The following KLHL26 variants were observed in gnomAD, a reference collection of about 807,000 sequenced individuals.
KLHL26 encodes kelch-like protein 26.
Under a neutral mutation model 7.1 loss-of-function variants are expected in KLHL26, and 4 were observed. The ratio of observed to expected loss-of-function variants is 0.56; its 90% confidence interval spans 0.28 to 1.28. The LOEUF (loss-of-function observed/expected upper bound fraction) is 1.28, where lower values mean the gene tolerates loss of function less well. KLHL26 is among the 50% of genes most tolerant of loss of function. The probability of loss-of-function intolerance (pLI) is 0.11; values close to 1 mark genes in which losing one functional copy is unlikely to be tolerated. For missense variants in KLHL26, 896 were observed against 924.6 expected, an observed-to-expected ratio of 0.97 and a Z score of 0.40; for synonymous variants, 465 against 414.1, an observed-to-expected ratio of 1.12 and a Z score of -1.49.
intron 1 of KLHL26, among the ~76,000 whole-genome samples, chr19:18,654,205 G>A (rs117707465): frequency 0.01 from 906 of 87,172 alleles, 7 homozygotes; most frequent in Non-Finnish European, 0.015. Flanking sequence ...CTGCCCTTCT[G>A]TCTGTCACCC....
At chr19:18,639,223 C>T (rs897431301) in intron 1 of KLHL26, among the ~76,000 whole-genome samples, 14 of 148,770 alleles carry the variant, frequency 9.4e-5, no homozygotes, top group African/African-American at 3.2e-4. Flanking sequence ...CTACAGGTGC[C>T]CGCCACCATG....
rs900755346 is a variant in KLHL26, at chr19:18,648,289, G to A, written c.83+11152G>A. ...GGAGGCTGAGGCACGAGAGTCGATTGAACCCAGGAGCCGAGATTGCACCAC... is the reference window on the plus strand; with the variant it reads ...GGAGGCTGAGGCACGAGAGTCGATTAAACCCAGGAGCCGAGATTGCACCAC... On this transcript the variant is annotated intron_variant, in intron 1 of 2. Transcript: ENST00000300976. The surrounding 1 kb of genome is among the most constrained non-coding windows in gnomAD (Gnocchi z 4.9). Among the ~76,000 whole-genome samples, 5 of 152,148 alleles carry A rather than the reference G, an allele frequency of 3.3e-5. No individual in the cohort carries two copies. Among genetic ancestry groups the A allele is most frequent in the African/African-American group, 7.2e-5 (3 of 41,434 alleles).
At position 18,656,129 on chromosome 19, in the gene KLHL26, C is replaced by G. The variant is rs978800457; in HGVS notation, c.84-8132C>G. Among the ~76,000 whole-genome samples, 1 of 152,114 alleles carries G rather than the reference C, an allele frequency of 6.6e-6. No homozygotes were observed. Among genetic ancestry groups the G allele is most frequent in the Admixed American group, 6.5e-5 (1 of 15,268 alleles). ...TTTTCTGGAAGGTTTGAGCAAGGCT[C>G]AGGAAAGGGGAGGCCACGCAGCTTG... On this transcript the variant is annotated intron_variant, in intron 1 of 2. Transcript: ENST00000300976. The surrounding 1 kb of genome is among the most constrained non-coding windows in gnomAD (Gnocchi z 4.4).
intron 2 of KLHL26, among the ~76,000 whole-genome samples, chr19:18,666,940 G>A (rs567865023): frequency 1.3e-5 from 2 of 152,322 alleles, no homozygotes; most frequent in East Asian, 3.9e-4. Context: ...GCCACAGGGT[G>A]TGTTCTCATC....
intron 1 of KLHL26, among the ~76,000 whole-genome samples, chr19:18,642,925 CT>C (rs1190597444): frequency 1.3e-5 from 2 of 151,986 alleles, no homozygotes; most frequent in East Asian, 3.9e-4. Flanking sequence ...CCTCCACCTC[CT>C]GGGTTTAAGC....
chr19:18,659,510 A>T (rs1290367679), intron 1 of KLHL26, among the ~76,000 whole-genome samples: 2 of 152,192 alleles, frequency 1.3e-5, no homozygotes, highest in African/African-American at 2.4e-5. Context: ...GAAGTGAGGG[A>T]CTGCGCGCGT....
Position 18,664,256 on chromosome 19 carries a change from C to A in KLHL26, c.84-5C>A. The A allele has an allele frequency of 6.3e-7, 1 of 1,590,626 alleles. No individual in the cohort carries two copies. Among genetic ancestry groups the A allele is most frequent in the Non-Finnish European group, 8.6e-7 (1 of 1,168,992 alleles). ...GCCATGTCCCCACCTCTGCTTTCCC[C>A]GCAGCACGGCCGACAAGAACGGGGC... On this transcript the variant is annotated splice_region_variant and splice_polypyrimidine_tract_variant and intron_variant, in intron 1 of 2. Coordinates refer to ENST00000300976, the MANE Select transcript of KLHL26 (RefSeq NM_018316.3).
At chr19:18,658,985 C>T (rs535427295) in intron 1 of KLHL26, among the ~76,000 whole-genome samples, 1 of 151,864 alleles carries the variant, frequency 6.6e-6, no homozygotes, top group Non-Finnish European at 1.5e-5. Context: ...CTGTCTCCTT[C>T]TCTCTGGGTC....
At chr19:18,657,137 C>G (rs2052342823) in intron 1 of KLHL26, among the ~76,000 whole-genome samples, 1 of 151,684 alleles carries the variant, frequency 6.6e-6, no homozygotes, top group South Asian at 2.1e-4. Flanking sequence ...CTCTGGGTCT[C>G]TGTCTCCTTG....
intron 1 of KLHL26, among the ~76,000 whole-genome samples, chr19:18,654,261 C>G (rs962787996): frequency 1.4e-5 from 2 of 143,412 alleles, no homozygotes; most frequent in African/African-American, 5.2e-5. Flanking sequence ...CATCTACTGC[C>G]CATCCAGGCA....
At chr19:18,660,432 T>A (rs1323025690) in intron 1 of KLHL26, among the ~76,000 whole-genome samples, 1 of 152,174 alleles carries the variant, frequency 6.6e-6, no homozygotes, top group Non-Finnish European at 1.5e-5. Flanking sequence ...CTCCGATGAC[T>A]CACGTGCGGG....
rs1568456855 is a variant in KLHL26, at chr19:18,650,115, CCGAGGA to C, written c.83+12979_83+12984del. On this transcript the variant is annotated intron_variant, in intron 1 of 2. Transcript: ENST00000300976. The surrounding 1 kb of genome is among the most constrained non-coding windows in gnomAD (Gnocchi z 4.2). ...TTGTAAAGGCCTGGAGGGGGGTCAC[CCGAGGA>C]TCGAGGCCGAAGATGTTTACTGACG... Among the ~76,000 whole-genome samples the C allele has an allele frequency of 1.3e-5, 2 of 152,138 alleles. No individual in the cohort carries two copies. The highest frequency in any genetic ancestry group is 4.8e-5 in the African/African-American group (2 of 41,418).
Position 18,648,319 on chromosome 19 carries a change from C to T in KLHL26, c.83+11182C>T, listed in dbSNP as rs150924773. Among the ~76,000 whole-genome samples, 376 of 152,242 alleles carry T rather than the reference C, an allele frequency of 2.5e-3. 3 individuals are homozygous for T. Among genetic ancestry groups the T allele is most frequent in the African/African-American group, 8.5e-3 (354 of 41,538 alleles). ...CAGGAGCCGAGATTGCACCACTGCA[C>T]TCCAGCCTGGGCGACAAAGTGAGAC... On this transcript the variant is annotated intron_variant, in intron 1 of 2. Coordinates refer to ENST00000300976, the MANE Select transcript of KLHL26 (RefSeq NM_018316.3). This position sits in a 1 kb window ranked among gnomAD's most constrained non-coding sequence, Gnocchi z 4.9.
At chr19:18,641,666 T>C (rs1485279204) in intron 1 of KLHL26, among the ~76,000 whole-genome samples, 1 of 150,334 alleles carries the variant, frequency 6.7e-6, no homozygotes, top group Non-Finnish European at 1.5e-5. Context: ...GCTTGCTCTG[T>C]TGCCCAGGCT....
intron 1 of KLHL26, among the ~76,000 whole-genome samples, chr19:18,637,991 T>C (rs1425863975): frequency 6.6e-6 from 1 of 152,192 alleles, no homozygotes; most frequent in African/African-American, 2.4e-5. Context: ...TAACTAATGA[T>C]ATGTGTGTGC....
chr19:18,650,179 C>T lies in KLHL26; in HGVS notation c.83+13042C>T, dbSNP rs570156153. Among the ~76,000 whole-genome samples the T allele has an allele frequency of 6.6e-5, 10 of 152,112 alleles. No individual in the cohort carries two copies. Among genetic ancestry groups the T allele is most frequent in the African/African-American group, 1.9e-4 (8 of 41,550 alleles). On this transcript the variant is annotated intron_variant, in intron 1 of 2. Transcript: ENST00000300976. The surrounding 1 kb of genome is among the most constrained non-coding windows in gnomAD (Gnocchi z 4.2). Reference sequence around the variant, plus strand: ...TGTGAAATTCCACAGGGGTCAAAGACGGACCCGGGCGGGAGCGGTCTGGGC... The same window carrying T: ...TGTGAAATTCCACAGGGGTCAAAGATGGACCCGGGCGGGAGCGGTCTGGGC...
In KLHL26 at chr19:18,664,406, C is replaced by CACACAGG; in HGVS notation, c.232_233insCAGGACA (p.Lys78ThrfsTer162). On this transcript the variant is annotated frameshift_variant, in exon 2 of 3. Transcript: ENST00000300976. LOFTEE classifies it low-confidence loss of function (END_TRUNC). The stretch of plus-strand genomic sequence containing the variant: ...TATTAACAGAGAGGCCTTTCCTGCA[C>CACACAGG]ACAAGGTCGTCCTGGCTGCCTGCAG... The CACACAGG allele has an allele frequency of 6.2e-7, 1 of 1,600,672 alleles. No homozygotes were observed. Among genetic ancestry groups the CACACAGG allele is most frequent in the Non-Finnish European group, 8.5e-7 (1 of 1,174,052 alleles).
At chr19:18,643,891 A>G (rs1452718949) in intron 1 of KLHL26, among the ~76,000 whole-genome samples, 1 of 152,174 alleles carries the variant, frequency 6.6e-6, no homozygotes, top group Non-Finnish European at 1.5e-5. Context: ...ACTATGCCCA[A>G]CCTGTATTTT....
chr19:18,665,746 G>A (rs1235649723), intron 2 of KLHL26, among the ~76,000 whole-genome samples: 1 of 152,206 alleles, frequency 6.6e-6, no homozygotes, highest in East Asian at 1.9e-4. Context: ...GGCTGTTGCA[G>A]GGCTGAGTGG....
Sources: allele counts gnomAD v4.1 joint callset (sites outside exome capture counted in the v4.1 genomes callset), GRCh38; gene constraint gnomAD v4.1.1; non-coding constraint Gnocchi (gnomAD v3.1); transcripts MANE v1.5; gene names NCBI Gene and HGNC (gene_info 2026-07-23, HGNC 2026-07-21).